The following NUB1 variants were observed in gnomAD, a reference collection of about 807,000 sequenced individuals.
NUB1 encodes NEDD8 ultimate buster 1.
A neutral mutation model predicts 77.1 loss-of-function variants in NUB1; 41 were observed. The ratio of observed to expected loss-of-function variants is 0.53; its 90% CI spans 0.41 to 0.69. The LOEUF (loss-of-function observed/expected upper bound fraction) is 0.69. NUB1 is among the 30% of genes least tolerant of loss of function. NUB1 has a pLI of 0.00. For synonymous variants in NUB1, 257 were observed against 281.0 expected, an observed-to-expected ratio of 0.91 and a Z score of 0.85; for missense variants, 643 against 743.8, an observed-to-expected ratio of 0.86 and a Z score of 1.58.
At chr7:151,358,415 G>A (rs1024534695) in intron 7 of NUB1, among the ~76,000 whole-genome samples, 6 of 152,194 alleles carry the variant, frequency 3.9e-5, no homozygotes, top group Non-Finnish European at 8.8e-5. Flanking sequence ...GGCTTGTTAG[G>A]AACTGGGCCA....
chr7:151,378,237 T>C lies in NUB1; in HGVS notation c.*1012T>C, dbSNP rs3748094. Reference sequence around the variant, plus strand: ...CCCCAGGACCACAGCAGCAGCCAGGTGCCGAGTGGATTGAGTGCCAGGTGC... The same window carrying C: ...CCCCAGGACCACAGCAGCAGCCAGGCGCCGAGTGGATTGAGTGCCAGGTGC... On this transcript the variant is annotated 3_prime_UTR_variant, in exon 15 of 15. Transcript: ENST00000568733. 20,901 of 152,314 alleles carry C rather than the reference T, an allele frequency of 0.14. 1,606 individuals are homozygous for C. The highest frequency in any genetic ancestry group is 0.21 in the African/African-American group (8,595 of 41,490). The allele number at this position is 152,314 out of a possible 1,614,324, so 9.4% of individuals were successfully genotyped here. A position where few individuals can be genotyped will look rare whatever the true frequency, so the allele number is the denominator to read the frequency against.
At chr7:151,358,013 G>A (rs12703119) in intron 7 of NUB1, among the ~76,000 whole-genome samples, 67,492 of 151,530 alleles carry the variant, frequency 0.45, 15,232 homozygotes, top group Admixed American at 0.51. Flanking sequence ...GTCTCGCTCT[G>A]TCATCAGGCT....
At chr7:151,375,997 T>TG (rs1798206613) in intron 13 of NUB1, 54 bp downstream of exon 13, 3 of 1,147,178 alleles carry the variant, frequency 2.6e-6, no homozygotes, top group East Asian at 4.7e-5. Flanking sequence ...TGGGGTTGCT[T>TG]GGGGTAACCC....
chr7:151,355,862 G>T lies in NUB1; in HGVS notation c.510G>T (p.Gln170His). The change falls in exon 6 of 15, where the codon CAG becomes CAT. Residue 170 changes from glutamine (Q) to histidine (H), a missense_variant. Gln to His is a conservative substitution (Grantham distance 24). Transcript: ENST00000568733. Reference protein sequence around the residue: ...QSEEDARKNFQLEEEEQNEAK... With the variant: ...QSEEDARKNFHLEEEEQNEAK... ...AAGAGGACGCGAGGAAAAACTTCCA[G>T]TTAGAGGAAGAGGAGCAAAATGAGG... is the stretch of plus-strand genomic sequence containing the variant. 6.2e-7 allele frequency: 1 copy of T among 1,613,590 alleles called. No individual in the cohort carries two copies. Among genetic ancestry groups the T allele is most frequent in the Non-Finnish European group, 8.5e-7 (1 of 1,179,724 alleles).
rs186789662 is a variant in NUB1, at chr7:151,344,386, C to G, written c.-2-962C>G. Among the ~76,000 whole-genome samples, 670 of 151,086 alleles carry G rather than the reference C, an allele frequency of 4.4e-3. 8 individuals carry two copies. Among genetic ancestry groups the G allele is most frequent in the African/African-American group, 0.015 (607 of 41,244 alleles). ...AGTGCAGTGGTGCCATCTCGGCTCACTACAACCTCTGCCTCCTGGATTCAA... is the reference window on the plus strand; with the variant it reads ...AGTGCAGTGGTGCCATCTCGGCTCAGTACAACCTCTGCCTCCTGGATTCAA... On this transcript the variant is annotated intron_variant, in intron 1 of 14. Coordinates refer to ENST00000568733, the MANE Select transcript of NUB1 (RefSeq NM_001243351.2).
intron 7 of NUB1, among the ~76,000 whole-genome samples, chr7:151,358,531 T>C (rs1437665633): frequency 6.6e-6 from 1 of 152,156 alleles, no homozygotes; most frequent in Non-Finnish European, 1.5e-5. Context: ...TATTGTGAAC[T>C]GGGCATGTGA....
chr7:151,367,647 A>G (rs1584964014), intron 9 of NUB1, among the ~76,000 whole-genome samples: 1 of 152,202 alleles, frequency 6.6e-6, no homozygotes, highest in South Asian at 2.1e-4. Context: ...GTGCCCTGAC[A>G]CTGACTCTCC....
chr7:151,351,831 A>G (rs1563013311), intron 4 of NUB1, among the ~76,000 whole-genome samples: 1 of 151,138 alleles, frequency 6.6e-6, no homozygotes, highest in African/African-American at 2.4e-5. Context: ...TTGAATTACT[A>G]TTTTTTTTCC....
At chr7:151,372,233 C>T (rs1034252326) in intron 11 of NUB1, among the ~76,000 whole-genome samples, 1 of 152,236 alleles carries the variant, frequency 6.6e-6, no homozygotes, top group African/African-American at 2.4e-5. Context: ...GTAGCCACTT[C>T]AGTGCAGTAC....
intron 7 of NUB1, among the ~76,000 whole-genome samples, chr7:151,356,497 A>G (rs1797069357): frequency 6.6e-6 from 1 of 152,236 alleles, no homozygotes. Context: ...CCTTCAGTGC[A>G]TGCAGCTTCC....
rs1224068446 is a variant in NUB1 at position 151,367,924 on chromosome 7, T to C, written c.1051T>C (p.Tyr351His). ...CTACTTACTTCAAGGGATCCGAAAC[T>C]ATCACAGTGGAAATGATGTAGAGGC... ...RLYLLQGIRNYHSGNDVEAYE... is the reference protein window; with the variant it reads ...RLYLLQGIRNHHSGNDVEAYE... The change falls in exon 10 of 15, where the codon TAT (tyrosine) becomes CAT (histidine). Residue 351 changes from tyrosine (Y) to histidine (H), a missense_variant. Tyr to His is a moderately conservative substitution (Grantham distance 83, BLOSUM62 2). Coordinates refer to ENST00000568733, the MANE Select transcript of NUB1 (RefSeq NM_001243351.2). The C allele has an allele frequency of 6.3e-7, 1 of 1,598,866 alleles. No individual in the cohort carries two copies. The highest frequency in any genetic ancestry group is 8.5e-7 in the Non-Finnish European group (1 of 1,171,734).
intron 1 of NUB1, among the ~76,000 whole-genome samples, chr7:151,344,866 GGC>G (rs1796410817): frequency 6.6e-6 from 1 of 152,082 alleles, no homozygotes; most frequent in South Asian, 2.1e-4. Context: ...CGGGCGTGGT[GGC>G]GCATGCCTGT....
intron 1 of NUB1, among the ~76,000 whole-genome samples, chr7:151,344,342 A>G (rs1796372780): frequency 6.6e-6 from 1 of 150,942 alleles, no homozygotes; most frequent in Non-Finnish European, 1.5e-5. Context: ...ACGGAGTCTC[A>G]CTCTGTTGCC....
intron 5 of NUB1, among the ~76,000 whole-genome samples, chr7:151,355,452 T>C (rs972233826): frequency 6.6e-6 from 1 of 152,186 alleles, no homozygotes; most frequent in African/African-American, 2.4e-5. Flanking sequence ...GGTGGGAGGA[T>C]CACTTGAGCC....
intron 11 of NUB1, among the ~76,000 whole-genome samples, chr7:151,373,259 T>G (rs1179044954): frequency 6.6e-6 from 1 of 152,202 alleles, no homozygotes; most frequent in Non-Finnish European, 1.5e-5. Context: ...TGTCTCCTTG[T>G]TGGGAAAATA....
chr7:151,359,996 A>G, intron 7 of NUB1, 145 bp from the exon 8 acceptor site: 1 of 522,542 alleles, frequency 1.9e-6, no homozygotes, highest in South Asian at 3.1e-5. Flanking sequence ...AATTAATTAT[A>G]TTTTTCTTAA....
chr7:151,346,840 G>C (rs949130403), intron 2 of NUB1, among the ~76,000 whole-genome samples: 1 of 152,194 alleles, frequency 6.6e-6, no homozygotes, highest in South Asian at 2.1e-4. Context: ...GAACCTGAAG[G>C]GGGTGCTTGT....
intron 5 of NUB1, 57 bp from the exon 6 acceptor site, chr7:151,355,711 T>A: frequency 4.1e-6 from 6 of 1,446,418 alleles, no homozygotes; most frequent in Non-Finnish European, 5.6e-6. Flanking sequence ...GAAAATGGAC[T>A]GTTACCTGGT....
intron 8 of NUB1, among the ~76,000 whole-genome samples, chr7:151,366,224 G>A (rs1252158663): frequency 9.9e-5 from 15 of 152,122 alleles, no homozygotes; most frequent in Non-Finnish European, 1.9e-4. Flanking sequence ...CCACGAATAC[G>A]GAGTCAAATT....
Sources: gnomAD v4.1 joint callset for allele counts (sites outside exome capture counted in the v4.1 genomes callset) on GRCh38, gnomAD v4.1.1 for gene constraint, MANE v1.5 for transcripts, NCBI Gene and HGNC (gene_info 2026-07-23, HGNC 2026-07-21) for gene names.